Variants in CRYBG1 observed in about 807,000 individuals in gnomAD.
CRYBG1 encodes the protein crystallin beta-gamma domain containing 1, also known as beta/gamma crystallin domain-containing protein 1.
CRYBG1 carries 139 observed loss-of-function variants against 189.2 expected under a neutral mutation model. The ratio of observed to expected loss-of-function variants is 0.73; its 90% CI spans 0.64 to 0.85. The LOEUF (loss-of-function observed/expected upper bound fraction) is 0.85, where lower values mean the gene tolerates loss of function less well. CRYBG1 is among the 40% of genes least tolerant of loss of function. The pLI is 0.00. For missense variants in CRYBG1, 2,611 were observed against 2,675.8 expected (o/e 0.98, Z 0.53); for synonymous variants, 1,023 against 1,017.1 (o/e 1.01, Z -0.11).
chr6:106,485,193 C>T (rs575300022), intron 2 of CRYBG1, among the ~76,000 whole-genome samples: 1 of 152,112 alleles, frequency 6.6e-6, no homozygotes, highest in Non-Finnish European at 1.5e-5. Flanking sequence ...TTATAGTTTT[C>T]AGTGGAGAGA....
At chr6:106,552,112 C>G in intron 14 of CRYBG1, 72 bp from the exon 15 acceptor site, 1 of 1,464,060 alleles carries the variant, frequency 6.8e-7, no homozygotes, top group Non-Finnish European at 9.4e-7. Flanking sequence ...TGCTAATAAT[C>G]TAGAAGAAAA....
At chr6:106,392,145 C>T (rs908120756) in intron 1 of CRYBG1, among the ~76,000 whole-genome samples, 3 of 152,164 alleles carry the variant, frequency 2.0e-5, no homozygotes, top group Non-Finnish European at 4.4e-5. Context: ...ATCTGTGTGG[C>T]TGTGGGAGTT....
chr6:106,458,910 C>T lies in CRYBG1; in HGVS notation c.312+7078C>T, dbSNP rs765326459. On this transcript the variant is annotated intron_variant, in intron 2 of 21. Coordinates refer to ENST00000633556, the MANE Select transcript of CRYBG1 (RefSeq NM_001371242.2). ...GTGCAGCAAGCAAGAGCTGCCTTTC[C>T]GTACACACACAGGTTCACAAGTTGG... Among the ~76,000 whole-genome samples, 9 of 152,278 alleles carry T rather than the reference C, an allele frequency of 5.9e-5. No individual in the cohort carries two copies. The South Asian group carries it at 1.4e-3, about 25-fold the overall frequency.
Position 106,406,061 on chromosome 6 carries a change from AG to A in CRYBG1, c.173+44982del, listed in dbSNP as rs575147554. Among the ~76,000 whole-genome samples the A allele has an allele frequency of 4.9e-3, 750 of 152,134 alleles. 2 individuals carry two copies. Among genetic ancestry groups the A allele is most frequent in the Non-Finnish European group, 9.1e-3 (618 of 67,966 alleles). ...TTGACAGAAGTAGGCTTCAGAAGGC[AG>A]GTAATAACAAACTCCTCTGAGCTAA... On this transcript the variant is annotated intron_variant, in intron 1 of 21. Coordinates refer to ENST00000633556, the MANE Select transcript of CRYBG1 (RefSeq NM_001371242.2).
intron 2 of CRYBG1, among the ~76,000 whole-genome samples, chr6:106,487,059 CTT>C (rs1465770156): frequency 6.6e-6 from 1 of 151,866 alleles, no homozygotes; most frequent in Non-Finnish European, 1.5e-5. Context: ...TTTCCTTTCT[CTT>C]TGTTGTTTGT....
intron 3 of CRYBG1, among the ~76,000 whole-genome samples, chr6:106,514,675 A>G (rs1339926748): frequency 2.6e-5 from 4 of 152,254 alleles, no homozygotes; most frequent in African/African-American, 9.6e-5. Context: ...CCTGTCTTCC[A>G]ATTAGAAGAC....
intron 2 of CRYBG1, among the ~76,000 whole-genome samples, chr6:106,502,871 G>A (rs138515003): frequency 6.6e-6 from 1 of 152,174 alleles, no homozygotes; most frequent in African/African-American, 2.4e-5. Context: ...CTCTTCCAAG[G>A]CCCTCTCCTT....
At chr6:106,511,019 C>T (rs536143653) in intron 2 of CRYBG1, among the ~76,000 whole-genome samples, 2 of 152,254 alleles carry the variant, frequency 1.3e-5, no homozygotes, top group Admixed American at 6.5e-5. Context: ...GGAAAAAGTC[C>T]GCCTTAGGAT....
At chr6:106,466,853 CAAAG>C (rs1772122578) in intron 2 of CRYBG1, among the ~76,000 whole-genome samples, 1 of 152,036 alleles carries the variant, frequency 6.6e-6, no homozygotes, top group African/African-American at 2.4e-5. Context: ...TAAATTCAGA[CAAAG>C]AAATTGCTGT....
At chr6:106,399,442 A>G (rs1021806327) in intron 1 of CRYBG1, among the ~76,000 whole-genome samples, 4 of 152,188 alleles carry the variant, frequency 2.6e-5, no homozygotes, top group Non-Finnish European at 5.9e-5. Flanking sequence ...TTAAATGTCA[A>G]TAACTTAGTT....
chr6:106,411,612 T>A (rs1770928709), intron 1 of CRYBG1, among the ~76,000 whole-genome samples: 1 of 152,184 alleles, frequency 6.6e-6, no homozygotes, highest in Non-Finnish European at 1.5e-5. Flanking sequence ...GATATATGTA[T>A]ATATAAAAGT....
At chr6:106,516,115 T>C (rs1213910236) in intron 3 of CRYBG1, among the ~76,000 whole-genome samples, 1 of 151,990 alleles carries the variant, frequency 6.6e-6, no homozygotes, top group Admixed American at 6.6e-5. Context: ...AAGTAAAATT[T>C]GTAAAAATTA....
At chr6:106,483,791 A>G (rs1279057317) in intron 2 of CRYBG1, among the ~76,000 whole-genome samples, 1 of 152,126 alleles carries the variant, frequency 6.6e-6, no homozygotes, top group African/African-American at 2.4e-5. Context: ...TTTTTTCATA[A>G]ACCTGTTGGC....
At chr6:106,547,937 T>C (rs775241431) in intron 13 of CRYBG1, among the ~76,000 whole-genome samples, 71 of 152,324 alleles carry the variant, frequency 4.7e-4, no homozygotes, top group Non-Finnish European at 7.9e-4. Flanking sequence ...ACTGGGCTAG[T>C]TTTTTAAAAC....
chr6:106,429,775 C>T (rs1771292223), intron 1 of CRYBG1, among the ~76,000 whole-genome samples: 1 of 152,190 alleles, frequency 6.6e-6, no homozygotes, highest in East Asian at 1.9e-4. Flanking sequence ...ACACCTATCT[C>T]ACAGGTTTGT....
At chr6:106,515,318 G>A (rs1773392939) in intron 3 of CRYBG1, among the ~76,000 whole-genome samples, 2 of 152,206 alleles carry the variant, frequency 1.3e-5, no homozygotes, top group South Asian at 4.1e-4. Flanking sequence ...TAGGTTAATT[G>A]TAGTAACTCT....
intron 20 of CRYBG1, among the ~76,000 whole-genome samples, chr6:106,562,003 G>A (rs888097363): frequency 6.6e-6 from 1 of 152,148 alleles, no homozygotes; most frequent in African/African-American, 2.4e-5. Flanking sequence ...ACACTTAAAA[G>A]CTGACTGTAG....
chr6:106,407,806 A>T (rs1160312061), intron 1 of CRYBG1, among the ~76,000 whole-genome samples: 1 of 152,218 alleles, frequency 6.6e-6, no homozygotes, highest in African/African-American at 2.4e-5. Flanking sequence ...GCAGAAATAA[A>T]TAAGTTCTCT....
intron 1 of CRYBG1, among the ~76,000 whole-genome samples, chr6:106,405,758 C>T (rs967942568): frequency 2.6e-5 from 4 of 152,154 alleles, no homozygotes; most frequent in African/African-American, 9.7e-5. Context: ...CTGAAGTGGA[C>T]CTCCAGCAAA....
Sources: allele counts gnomAD v4.1 joint callset (sites outside exome capture counted in the v4.1 genomes callset), GRCh38; gene constraint gnomAD v4.1.1; transcripts MANE v1.5; gene names NCBI Gene and HGNC (gene_info 2026-07-23, HGNC 2026-07-21).